The following SAMD12 variants were observed in gnomAD, a reference collection of about 807,000 sequenced individuals.
SAMD12 encodes the protein sterile alpha motif domain-containing protein 12.
Under a neutral mutation model 15.0 loss-of-function variants are expected in SAMD12, and 9 were observed. That is an observed-to-expected ratio of 0.60 (90% CI 0.36 to 1.05). The LOEUF (loss-of-function observed/expected upper bound fraction) is 1.05, where lower values mean the gene tolerates loss of function less well. Among genes scored for constraint, SAMD12 ranks in the 50% least tolerant of loss-of-function variants. The probability of loss-of-function intolerance (pLI) is 0.01; values close to 1 mark genes in which losing one functional copy is unlikely to be tolerated. For synonymous variants in SAMD12, 86 were observed against 90.1 expected, an observed-to-expected ratio of 0.96 and a Z score of 0.25; for missense variants, 230 against 234.2, an observed-to-expected ratio of 0.98 and a Z score of 0.12.
At chr8:118,620,740 G>C (rs556272749) in intron 1 of SAMD12, among the ~76,000 whole-genome samples, 5 of 152,160 alleles carry the variant, frequency 3.3e-5, no homozygotes, top group African/African-American at 4.8e-5. Flanking sequence ...TGGCCTTCTC[G>C]TCTCTAGCCT....
chr8:118,244,287 G>T lies in SAMD12; in HGVS notation c.434-46555C>A, dbSNP rs573522885. Among the ~76,000 whole-genome samples, 80 of 152,212 alleles carry T rather than the reference G, an allele frequency of 5.3e-4. 1 individual carries two copies. The Middle Eastern group carries it at 0.017, about 32-fold the overall frequency. ...TAAAGCACAGACAGTTTAAAAATTT[G>T]CCCAAATTCACACAGTTAGTAAGGA... On this transcript the variant is annotated intron_variant, in intron 4 of 4. Coordinates refer to the SAMD12 transcript ENST00000409003.
intron 2 of SAMD12, among the ~76,000 whole-genome samples, chr8:118,482,016 A>G (rs1400272582): frequency 6.6e-6 from 1 of 152,250 alleles, no homozygotes; most frequent in Non-Finnish European, 1.5e-5. Context: ...AGGCAAGATT[A>G]CACAGCTAAT....
intron 3 of SAMD12, among the ~76,000 whole-genome samples, chr8:118,416,240 A>C (rs547674084): frequency 6.6e-6 from 1 of 152,324 alleles, no homozygotes; most frequent in South Asian, 2.1e-4. Flanking sequence ...TGTTATATGA[A>C]GTGATGAGCT....
At chr8:118,567,261 T>C (rs1208038171) in intron 2 of SAMD12, among the ~76,000 whole-genome samples, 1 of 152,132 alleles carries the variant, frequency 6.6e-6, no homozygotes, top group Non-Finnish European at 1.5e-5. Context: ...TTCTTTACTA[T>C]GGTATTTGAA....
At chr8:118,587,506 A>G (rs1419522255) in intron 1 of SAMD12, among the ~76,000 whole-genome samples, 2 of 152,196 alleles carry the variant, frequency 1.3e-5, no homozygotes, top group Non-Finnish European at 2.9e-5. Flanking sequence ...TGCAGCTACA[A>G]GTGAGGTTGA....
intron 2 of SAMD12, among the ~76,000 whole-genome samples, chr8:118,568,334 G>A (rs1473160840): frequency 6.6e-6 from 1 of 152,216 alleles, no homozygotes; most frequent in Non-Finnish European, 1.5e-5. Flanking sequence ...GAGCAGCAAT[G>A]AGCATAGAAA....
chr8:118,466,452 T>TA (rs1008301590), intron 2 of SAMD12, among the ~76,000 whole-genome samples: 4 of 152,344 alleles, frequency 2.6e-5, no homozygotes, highest in African/African-American at 7.2e-5. Context: ...TCATTTTACA[T>TA]AGGAGAAAAC....
the SAMD12 span, among the ~76,000 whole-genome samples, chr8:118,169,900 T>C: frequency 2.6e-5 from 4 of 152,206 alleles, no homozygotes; most frequent in Admixed American, 2.6e-4. Flanking sequence ...ATATGAACTC[T>C]TATTTTATAT....
chr8:118,435,437 T>TG (rs973793101), intron 3 of SAMD12, among the ~76,000 whole-genome samples: 26 of 152,246 alleles, frequency 1.7e-4, no homozygotes, highest in African/African-American at 6.3e-4. Context: ...AGGCATCCAC[T>TG]GGGGGTCCTG....
intron 1 of SAMD12, among the ~76,000 whole-genome samples, chr8:118,603,404 A>T (rs1340628431): frequency 1.3e-5 from 2 of 152,228 alleles, no homozygotes; most frequent in East Asian, 3.8e-4. Context: ...TATACAAAGG[A>T]GAAAAAATCA....
rs73705065 is a variant in SAMD12 at position 118,212,019 on chromosome 8, C to T, written c.434-14287G>A. On this transcript the variant is annotated intron_variant, in intron 4 of 4. Transcript: ENST00000409003. ...CTATGAGCCATCTGAACCACAGCTTCCTCATGTGTAAAAGGAGAAGATTTG... is the reference window on the plus strand; with the variant it reads ...CTATGAGCCATCTGAACCACAGCTTTCTCATGTGTAAAAGGAGAAGATTTG... 5.6e-3 allele frequency among the ~76,000 whole-genome samples: 856 copies of T among 151,998 alleles called. 10 individuals are homozygous for T. The highest frequency in any genetic ancestry group is 0.019 in the African/African-American group (803 of 41,464).
intron 2 of SAMD12, among the ~76,000 whole-genome samples, chr8:118,480,618 C>T (rs1199632938): frequency 6.6e-6 from 1 of 152,128 alleles, no homozygotes; most frequent in African/African-American, 2.4e-5. Flanking sequence ...AACTGGTCCC[C>T]CTTCACTGAC....
intron 4 of SAMD12, among the ~76,000 whole-genome samples, chr8:118,265,232 T>G (rs1813171475): frequency 6.6e-6 from 1 of 152,166 alleles, no homozygotes; most frequent in South Asian, 2.1e-4. Flanking sequence ...GCATCTGACA[T>G]CTTTATGTAG....
rs73318070 is a variant in SAMD12, at chr8:118,240,961, A to C, written c.434-43229T>G. On this transcript the variant is annotated intron_variant, in intron 4 of 4. Coordinates refer to the SAMD12 transcript ENST00000409003. ...AGAATGAGCCCTCTATCACCCCATC[A>C]TTCAATCACCTTTTCCTTTACCAGC... Among the ~76,000 whole-genome samples the C allele has an allele frequency of 7.7e-3, 1,166 of 152,190 alleles. 13 individuals are homozygous for C. Among genetic ancestry groups the C allele is most frequent in the African/African-American group, 0.027 (1,119 of 41,534 alleles).
intron 2 of SAMD12, among the ~76,000 whole-genome samples, chr8:118,533,687 T>C (rs1028740426): frequency 6.6e-6 from 1 of 152,216 alleles, no homozygotes; most frequent in Non-Finnish European, 1.5e-5. Flanking sequence ...CCCTTTACCA[T>C]GATGTAATGA....
the SAMD12 span, among the ~76,000 whole-genome samples, chr8:118,142,869 A>G: frequency 3.7e-4 from 57 of 152,324 alleles, no homozygotes; most frequent in Non-Finnish European, 8.2e-4. Flanking sequence ...GAGTGAGGGA[A>G]GGGATGTGTT....
At chr8:118,290,056 A>T (rs1402312476) in intron 4 of SAMD12, among the ~76,000 whole-genome samples, 1 of 152,234 alleles carries the variant, frequency 6.6e-6, no homozygotes, top group Non-Finnish European at 1.5e-5. Context: ...AGACTCAAAT[A>T]AGGAAGATTC....
chr8:118,447,704 ATATTTATTTATTTATT>A (rs71292164), intron 2 of SAMD12, among the ~76,000 whole-genome samples: 3 of 138,258 alleles, frequency 2.2e-5, no homozygotes, highest in Non-Finnish European at 4.6e-5. Flanking sequence ...TTTATTTTTA[ATATTTATTTATTTATT>A]TATTTATTTA....
In SAMD12 at chr8:118,378,951, T is replaced by C; in HGVS notation, c.*466A>G. 3.2e-6 allele frequency: 3 copies of C among 950,164 alleles called. No homozygotes were observed. Among genetic ancestry groups the C allele is most frequent in the Non-Finnish European group, 3.8e-6 (3 of 795,328 alleles). The allele number at this position is 950,164 out of a possible 1,614,324, so 58.9% of individuals were successfully genotyped here. ...GTGTAGTTTTAGATTCACTATAGTC[T>C]ATTATAAAAATTATTCCACTTTCAA... On this transcript the variant is annotated 3_prime_UTR_variant, in exon 4 of 4. Coordinates refer to ENST00000314727, the MANE Select transcript of SAMD12 (RefSeq NM_207506.3).
Sources: gnomAD v4.1 joint callset for allele counts (sites outside exome capture counted in the v4.1 genomes callset) on GRCh38, gnomAD v4.1.1 for gene constraint, MANE v1.5 for transcripts, NCBI Gene and HGNC (gene_info 2026-07-23, HGNC 2026-07-21) for gene names.